SPAG16: variants seen among roughly 807,000 people sequenced by gnomAD.
The protein encoded by SPAG16 is sperm-associated antigen 16 protein.
In SPAG16, 86 loss-of-function variants were observed where a neutral mutation model predicts 80.4. The observed-to-expected ratio is 1.07, with a 90% CI of 0.90 to 1.28. The LOEUF (loss-of-function observed/expected upper bound fraction) is 1.28. Ranked by LOEUF, SPAG16 falls within the 50% of genes most tolerant of loss-of-function variation. The pLI is 0.00. For missense variants in SPAG16, 870 were observed against 765.3 expected (o/e 1.14, Z -1.61); for synonymous variants, 294 against 265.9 (o/e 1.11, Z -1.03).
chr2:213,953,369 G>A (rs2043953703), intron 12 of SPAG16, among the ~76,000 whole-genome samples: 1 of 151,522 alleles, frequency 6.6e-6, no homozygotes, highest in Non-Finnish European at 1.5e-5. Flanking sequence ...AATAGGTTGG[G>A]GGCCATTTAG....
chr2:213,722,663 C>T (rs566792854), intron 10 of SPAG16, among the ~76,000 whole-genome samples: 2 of 152,112 alleles, frequency 1.3e-5, no homozygotes, highest in South Asian at 4.2e-4. Flanking sequence ...CGGTTTAGGA[C>T]AAGCAATCCA....
At chr2:214,241,082 G>A (rs1318760662) in intron 15 of SPAG16, 2 of 152,178 alleles carry the variant, frequency 1.3e-5, no homozygotes, top group Non-Finnish European at 2.9e-5. Context: ...ACCAGGCGCG[G>A]TGGCTCACGC....
At chr2:213,359,770 G>T (rs1303753218) in intron 7 of SPAG16, among the ~76,000 whole-genome samples, 2 of 152,018 alleles carry the variant, frequency 1.3e-5, no homozygotes, top group Non-Finnish European at 2.9e-5. Context: ...CTTGCCCTCC[G>T]TGGGCTGCAC....
chr2:213,693,324 C>T (rs1012299466), intron 10 of SPAG16, among the ~76,000 whole-genome samples: 4 of 152,166 alleles, frequency 2.6e-5, no homozygotes, highest in Admixed American at 2.6e-4. Context: ...ACAAATAGAA[C>T]ATGAACATAG....
At chr2:213,918,253 G>GT (rs1292046595) in intron 11 of SPAG16, among the ~76,000 whole-genome samples, 3 of 152,252 alleles carry the variant, frequency 2.0e-5, no homozygotes, top group Non-Finnish European at 2.9e-5. Flanking sequence ...TCTCTGACAT[G>GT]TTTTTGTGTC....
intron 12 of SPAG16, among the ~76,000 whole-genome samples, chr2:213,955,543 A>C (rs974773439): frequency 6.6e-6 from 1 of 152,202 alleles, no homozygotes; most frequent in Non-Finnish European, 1.5e-5. Context: ...ATTGATCTAC[A>C]TGTCTATCCT....
At chr2:213,620,293 T>TG (rs2061730919) in intron 10 of SPAG16, among the ~76,000 whole-genome samples, 4 of 128,242 alleles carry the variant, frequency 3.1e-5, no homozygotes, top group Non-Finnish European at 1.7e-5. Context: ...TTTTTTTTTT[T>TG]TTTTTTTTTT....
At chr2:213,989,127 T>C (rs2046160501) in intron 12 of SPAG16, among the ~76,000 whole-genome samples, 1 of 152,154 alleles carries the variant, frequency 6.6e-6, no homozygotes, top group Non-Finnish European at 1.5e-5. Flanking sequence ...AGGGAAAATA[T>C]GTATTCTACA....
At chr2:214,103,368 T>G (rs937156237) in intron 13 of SPAG16, among the ~76,000 whole-genome samples, 7 of 152,164 alleles carry the variant, frequency 4.6e-5, no homozygotes, top group Non-Finnish European at 4.4e-5. Context: ...TGCATTTCAC[T>G]GAGCAGAACT....
In SPAG16 at chr2:213,308,141, A is replaced by AT. The variant is rs1244734512; in HGVS notation, c.280-1911dup. ...GCACTCAAGAGACGATGATTGTTTT[A>AT]TTTTTTTAATTTTATTTTTATTGAG... On this transcript the variant is annotated intron_variant, in intron 3 of 15. Transcript: ENST00000331683. 2.0e-5 allele frequency among the ~76,000 whole-genome samples: 3 copies of AT among 152,222 alleles called. No individual in the cohort carries two copies. The East Asian group carries it at 5.8e-4, about 29-fold the overall frequency.
chr2:213,294,792 T>C (rs1294917549), intron 1 of SPAG16, among the ~76,000 whole-genome samples: 1 of 152,174 alleles, frequency 6.6e-6, no homozygotes, highest in Non-Finnish European at 1.5e-5. Flanking sequence ...ACTTTATGTA[T>C]TTATGTAGCA....
intron 11 of SPAG16, among the ~76,000 whole-genome samples, chr2:213,897,996 G>A (rs1431084420): frequency 1.3e-5 from 2 of 152,052 alleles, no homozygotes; most frequent in African/African-American, 2.4e-5. Flanking sequence ...ATATGAAGAT[G>A]GACAAATTTT....
At chr2:213,298,860 C>A (rs7580474) in intron 3 of SPAG16, among the ~76,000 whole-genome samples, 39,752 of 152,042 alleles carry the variant, frequency 0.26, 6,032 homozygotes, top group Middle Eastern at 0.44. Context: ...TTAAAAAATT[C>A]TTTGGAGGAA....
chr2:214,105,746 C>T (rs1291835799), intron 13 of SPAG16, among the ~76,000 whole-genome samples: 1 of 151,924 alleles, frequency 6.6e-6, no homozygotes, highest in Non-Finnish European at 1.5e-5. Flanking sequence ...TTTTAATGTC[C>T]CAGTTTGAGT....
At chr2:214,164,730 C>T (rs1250980884) in intron 15 of SPAG16, among the ~76,000 whole-genome samples, 1 of 152,082 alleles carries the variant, frequency 6.6e-6, no homozygotes, top group Non-Finnish European at 1.5e-5. Context: ...TATATTTGAT[C>T]TCAAATAAAA....
At chr2:214,143,891 C>T (rs2055496349) in intron 14 of SPAG16, among the ~76,000 whole-genome samples, 1 of 152,102 alleles carries the variant, frequency 6.6e-6, no homozygotes, top group African/African-American at 2.4e-5. Flanking sequence ...GGCACAGTAG[C>T]TCATGCTTAT....
chr2:213,740,623 A>G (rs763712056), intron 10 of SPAG16, among the ~76,000 whole-genome samples: 9 of 152,248 alleles, frequency 5.9e-5, no homozygotes, highest in Non-Finnish European at 1.2e-4. Context: ...AAGGCATCAT[A>G]TGCCACAGAC....
intron 9 of SPAG16, among the ~76,000 whole-genome samples, chr2:213,434,387 A>G (rs1437395938): frequency 6.6e-6 from 1 of 152,228 alleles, no homozygotes; most frequent in African/African-American, 2.4e-5. Context: ...CCTAGGAAAA[A>G]TACTTCTGGA....
chr2:213,370,692 C>T (rs948568244), intron 8 of SPAG16, among the ~76,000 whole-genome samples: 1 of 152,190 alleles, frequency 6.6e-6, no homozygotes, highest in African/African-American at 2.4e-5. Context: ...TTATCCTTGA[C>T]ATATCAATTA....
Sources: gnomAD v4.1 joint callset for allele counts (sites outside exome capture counted in the v4.1 genomes callset) on GRCh38, gnomAD v4.1.1 for gene constraint, MANE v1.5 for transcripts, NCBI Gene and HGNC (gene_info 2026-07-23, HGNC 2026-07-21) for gene names.